Variants in GNG2 observed in about 807,000 individuals in gnomAD.
The protein encoded by GNG2 is G protein subunit gamma 2, also known as guanine nucleotide-binding protein G(I)/G(S)/G(O) subunit gamma-2.
GNG2 carries 5 observed loss-of-function variants against 5.5 expected under a neutral mutation model. The ratio of observed to expected loss-of-function variants is 0.91; its 90% CI spans 0.48 to 1.92. The LOEUF (loss-of-function observed/expected upper bound fraction) is 1.92, where lower values mean the gene tolerates loss of function less well. GNG2 is among the 30% of genes most tolerant of loss of function. The pLI is 0.01. For synonymous variants in GNG2, 28 were observed against 32.0 expected (o/e 0.88, Z 0.42); for missense variants, 55 against 88.4 (o/e 0.62, Z 1.52).
chr14:51,942,942 C>T (rs1888430315), intron 2 of GNG2, among the ~76,000 whole-genome samples: 1 of 152,108 alleles, frequency 6.6e-6, no homozygotes. Context: ...ACTATCCAAC[C>T]TTTGATCATC....
chr14:51,936,610 G>T (rs1888024961), intron 2 of GNG2, among the ~76,000 whole-genome samples: 1 of 151,430 alleles, frequency 6.6e-6, no homozygotes, highest in Admixed American at 6.6e-5. Flanking sequence ...GAGCGCAGTG[G>T]CATGATCACA....
chr14:51,871,097 C>A (rs902677088), intron 1 of GNG2, among the ~76,000 whole-genome samples: 2 of 152,034 alleles, frequency 1.3e-5, no homozygotes, highest in African/African-American at 4.8e-5. Context: ...AAAATTTAAA[C>A]CGAAACCCTC....
exon 1 of GNG2, chr14:51,826,223 G>A (rs886073086): frequency 6.6e-6 from 1 of 152,160 alleles, no homozygotes; most frequent in African/African-American, 2.4e-5. Context: ...AAGAGCGGAT[G>A]GCTGAAGGTA....
intron 2 of GNG2, among the ~76,000 whole-genome samples, chr14:51,840,713 G>T (rs1228337309): frequency 6.6e-6 from 1 of 152,228 alleles, no homozygotes; most frequent in Non-Finnish European, 1.5e-5. Context: ...TCTGCCCATA[G>T]GTCAAGCAAC....
chr14:51,884,227 GA>G (rs996323372), intron 2 of GNG2, among the ~76,000 whole-genome samples: 6 of 151,974 alleles, frequency 3.9e-5, no homozygotes, highest in Non-Finnish European at 5.9e-5. Flanking sequence ...AAAACTGAAA[GA>G]AAAAAAATGT....
chr14:51,849,558 A>G (rs147101998), intron 2 of GNG2, among the ~76,000 whole-genome samples: 67 of 152,344 alleles, frequency 4.4e-4, no homozygotes, highest in African/African-American at 1.2e-3. Context: ...TGATCATTCA[A>G]TTTAAAATAC....
chr14:51,852,376 T>C (rs944132628), intron 2 of GNG2, among the ~76,000 whole-genome samples: 1 of 152,370 alleles, frequency 6.6e-6, no homozygotes, highest in South Asian at 2.1e-4. Flanking sequence ...GCACACCTAC[T>C]GTGTCCTATG....
At chr14:51,868,172 A>G (rs936660058) in intron 1 of GNG2, among the ~76,000 whole-genome samples, 1 of 152,212 alleles carries the variant, frequency 6.6e-6, no homozygotes, top group Non-Finnish European at 1.5e-5. Context: ...GCAATGTGCC[A>G]TGTGCTCGTC....
intron 2 of GNG2, among the ~76,000 whole-genome samples, chr14:51,901,303 G>C (rs555363393): frequency 6.6e-6 from 1 of 151,740 alleles, no homozygotes; most frequent in Non-Finnish European, 1.5e-5. Flanking sequence ...CTCCCAGCTC[G>C]GCCTCCCAAA....
intron 2 of GNG2, among the ~76,000 whole-genome samples, chr14:51,949,219 A>C (rs1011656755): frequency 6.6e-6 from 1 of 152,026 alleles, no homozygotes; most frequent in Non-Finnish European, 1.5e-5. Flanking sequence ...AGTATTCTTC[A>C]ACATAATATT....
At chr14:51,852,149 C>CT (rs1270939672) in intron 2 of GNG2, among the ~76,000 whole-genome samples, 1 of 152,094 alleles carries the variant, frequency 6.6e-6, no homozygotes, top group African/African-American at 2.4e-5. Context: ...GATCTTGAGC[C>CT]TGTAACTCAC....
chr14:51,869,619 TC>T (rs2140118573), intron 1 of GNG2, among the ~76,000 whole-genome samples: 1 of 152,272 alleles, frequency 6.6e-6, no homozygotes, highest in South Asian at 2.1e-4. Flanking sequence ...GGGAGGCTGA[TC>T]CTTTCACCTC....
chr14:51,923,400 GA>G (rs1216700400), intron 2 of GNG2, among the ~76,000 whole-genome samples: 1 of 152,084 alleles, frequency 6.6e-6, no homozygotes, highest in Non-Finnish European at 1.5e-5. Context: ...TTGAAACTGT[GA>G]AATTGGATGG....
chr14:51,890,588 C>CA, intron 2 of GNG2, among the ~76,000 whole-genome samples: 1 of 152,222 alleles, frequency 6.6e-6, no homozygotes, highest in East Asian at 1.9e-4. Flanking sequence ...TGGCATACAA[C>CA]AAAAAATTCC....
chr14:51,883,399 G>T (rs903115141), intron 2 of GNG2, among the ~76,000 whole-genome samples: 1 of 152,178 alleles, frequency 6.6e-6, no homozygotes, highest in African/African-American at 2.4e-5. Flanking sequence ...GGCATATGCT[G>T]CCATGTAACC....
In GNG2 at chr14:51,966,816, C is replaced by T; in HGVS notation, c.*129C>T. 1 of 749,918 alleles carries T rather than the reference C, an allele frequency of 1.3e-6. No individual in the cohort carries two copies. Among genetic ancestry groups the T allele is most frequent in the Non-Finnish European group, 2.2e-6 (1 of 446,864 alleles). The allele number at this position is 749,918 out of a possible 1,614,324, so 46.5% of individuals were successfully genotyped here. ...GGAGAACCATTCTGGAAACTCTAGG[C>T]TATGCATGTTTAAAGATCTGGTCCC... On this transcript the variant is annotated 3_prime_UTR_variant, in exon 4 of 4. Transcript: ENST00000556766.
rs191634449 is a variant in GNG2, at chr14:51,842,884, C to T, written c.64+15077C>T. Reference sequence around the variant, plus strand: ...TTTGCCGTGTTGTCTAGGCTGGTCCCGAACTCCTGACCCCAAGTGATCTGC... The same window carrying T: ...TTTGCCGTGTTGTCTAGGCTGGTCCTGAACTCCTGACCCCAAGTGATCTGC... On this transcript the variant is annotated intron_variant, in intron 2 of 3. Transcript: ENST00000553432. 1.4e-4 allele frequency among the ~76,000 whole-genome samples: 21 copies of T among 152,198 alleles called. 1 individual carries two copies. The East Asian group carries it at 2.5e-3, about 18-fold the overall frequency.
intron 2 of GNG2, among the ~76,000 whole-genome samples, chr14:51,878,550 C>T (rs1883831010): frequency 6.6e-6 from 1 of 152,110 alleles, no homozygotes; most frequent in Admixed American, 6.6e-5. Flanking sequence ...AAAATAAAAC[C>T]TACTCATAAC....
At chr14:51,868,518 C>T (rs1883081871) in intron 1 of GNG2, among the ~76,000 whole-genome samples, 1 of 152,074 alleles carries the variant, frequency 6.6e-6, no homozygotes, top group East Asian at 1.9e-4. Context: ...TGGGAGATTA[C>T]TTTGTTGAGT....
Sources: gnomAD v4.1 joint callset for allele counts (sites outside exome capture counted in the v4.1 genomes callset) on GRCh38, gnomAD v4.1.1 for gene constraint, MANE v1.5 for transcripts, NCBI Gene and HGNC (gene_info 2026-07-23, HGNC 2026-07-21) for gene names.